The following CEP57L1 variants were observed in gnomAD, a reference collection of about 807,000 sequenced individuals.
The protein encoded by CEP57L1 is centrosomal protein CEP57L1.
Under a neutral mutation model 61.0 loss-of-function variants are expected in CEP57L1, and 37 were observed. That is an observed-to-expected ratio of 0.61 (90% CI 0.47 to 0.80). The LOEUF (loss-of-function observed/expected upper bound fraction) is 0.80, where lower values mean the gene tolerates loss of function less well. Ranked by LOEUF, CEP57L1 falls within the 30% of genes least tolerant of loss-of-function variation. The pLI, the probability that CEP57L1 is intolerant of heterozygous loss-of-function variation, is 0.00. For missense variants in CEP57L1, 422 were observed against 524.7 expected, an observed-to-expected ratio of 0.80 and a Z score of 1.91; for synonymous variants, 137 against 162.3, an observed-to-expected ratio of 0.84 and a Z score of 1.19.
Position 109,173,424 on chromosome 6 carries a change from C to CTT in CEP57L1, c.*10469_*10470dup, listed in dbSNP as rs113248477. Among the ~76,000 whole-genome samples the CTT allele has an allele frequency of 2.2e-5, 3 of 133,670 alleles. No individual in the cohort carries two copies. Among genetic ancestry groups the CTT allele is most frequent in the East Asian group, 2.1e-4 (1 of 4,654 alleles). The allele number at this position is 133,670 out of a possible 152,430, so 87.7% of individuals were successfully genotyped here. ...CCCCCTCAGCCCGCCCCCTACCTTT[C>CTT]TTTTTTTTTTTTTTTTCTTTTCAGG... is the stretch of plus-strand genomic sequence containing the variant. On this transcript the variant is annotated 3_prime_UTR_variant, in exon 11 of 11. Coordinates refer to ENST00000517392, the MANE Select transcript of CEP57L1 (RefSeq NM_001271852.3).
chr6:109,170,591 GTA>G lies in CEP57L1; in HGVS notation c.*7622_*7623del, dbSNP rs757261900. Among the ~76,000 whole-genome samples the G allele has an allele frequency of 6.6e-6, 1 of 152,126 alleles. No individual in the cohort carries two copies. Among genetic ancestry groups the G allele is most frequent in the Non-Finnish European group, 1.5e-5 (1 of 68,016 alleles). ...GGAAAGTATTTCACTCTTCATCACT[GTA>G]GATCCGTTTAACTTTACAAATGTGT... On this transcript the variant is annotated 3_prime_UTR_variant, in exon 11 of 11. Coordinates refer to ENST00000517392, the MANE Select transcript of CEP57L1 (RefSeq NM_001271852.3).
At chr6:109,162,042 A>G (rs1773761656) in intron 10 of CEP57L1, among the ~76,000 whole-genome samples, 2 of 152,020 alleles carry the variant, frequency 1.3e-5, no homozygotes, top group Non-Finnish European at 1.5e-5. Flanking sequence ...TGCCTCCACT[A>G]TTACCATATA....
At chr6:109,134,195 A>G (rs1384675397) in intron 1 of CEP57L1, among the ~76,000 whole-genome samples, 1 of 152,184 alleles carries the variant, frequency 6.6e-6, no homozygotes, top group East Asian at 1.9e-4. Context: ...CCAGCAACAC[A>G]TCAAAAAACT....
At chr6:109,124,448 G>A (rs912883489) in intron 1 of CEP57L1, among the ~76,000 whole-genome samples, 2 of 152,166 alleles carry the variant, frequency 1.3e-5, no homozygotes, top group Non-Finnish European at 1.5e-5. Context: ...GATTTAGAAT[G>A]TGAACTTTAG....
At chr6:109,121,316 A>G (rs757050224) in intron 1 of CEP57L1, among the ~76,000 whole-genome samples, 30 of 152,222 alleles carry the variant, frequency 2.0e-4, no homozygotes, top group Non-Finnish European at 3.2e-4. Flanking sequence ...AAAAGACCCC[A>G]GAGCAACTAT....
At chr6:109,129,378 A>C (rs1194007465) in intron 1 of CEP57L1, 2 of 1,218,746 alleles carry the variant, frequency 1.6e-6, no homozygotes, top group Admixed American at 2.3e-5. Context: ...TCAGTCTTCC[A>C]GCTTCCAGTG....
chr6:109,148,956 T>TTAGTAGA (rs1772281727), intron 3 of CEP57L1, among the ~76,000 whole-genome samples: 1 of 152,246 alleles, frequency 6.6e-6, no homozygotes, highest in Non-Finnish European at 1.5e-5. Context: ...GCCCACTTGT[T>TTAGTAGA]GATGGGGCTG....
At chr6:109,115,855 C>T (rs1161579623) in intron 1 of CEP57L1, among the ~76,000 whole-genome samples, 3 of 151,912 alleles carry the variant, frequency 2.0e-5, no homozygotes, top group East Asian at 1.9e-4. Flanking sequence ...CTAAATTTAG[C>T]GTGTAAAAGC....
At chr6:109,131,431 AAG>A (rs898456619) in intron 1 of CEP57L1, among the ~76,000 whole-genome samples, 1 of 152,136 alleles carries the variant, frequency 6.6e-6, no homozygotes, top group Non-Finnish European at 1.5e-5. Flanking sequence ...GTAATTGAAG[AAG>A]AACAAACTTT....
chr6:109,152,991 A>C (rs936393555), intron 4 of CEP57L1, among the ~76,000 whole-genome samples: 1 of 149,848 alleles, frequency 6.7e-6, no homozygotes, highest in African/African-American at 2.5e-5. Context: ...GGCGCCTGTA[A>C]TCCCAGCTAT....
chr6:109,159,564 C>T, intron 9 of CEP57L1, 102 bp downstream of exon 9: 1 of 1,060,742 alleles, frequency 9.4e-7, no homozygotes, highest in Non-Finnish European at 1.4e-6. Flanking sequence ...CTGCCTCGGC[C>T]TCCCAAAGTG....
intron 1 of CEP57L1, among the ~76,000 whole-genome samples, chr6:109,127,863 C>CAG (rs991755230): frequency 1.3e-5 from 2 of 151,660 alleles, no homozygotes; most frequent in Admixed American, 6.6e-5. Flanking sequence ...CTGCTGACCT[C>CAG]GTGATCCGCC....
chr6:109,135,358 C>T (rs1394215595), intron 1 of CEP57L1, among the ~76,000 whole-genome samples: 3 of 152,108 alleles, frequency 2.0e-5, no homozygotes, highest in African/African-American at 7.2e-5. Context: ...ACTGGCTAGC[C>T]ATATGTAGAA....
Position 109,174,076 on chromosome 6 carries a change from A to G in CEP57L1, c.*11106A>G, listed in dbSNP as rs1583705840. 3.4e-5 allele frequency among the ~76,000 whole-genome samples: 5 copies of G among 147,836 alleles called. No individual in the cohort carries two copies. The South Asian group carries it at 1.1e-3, about 32-fold the overall frequency. ...GATCATGCCATTGCACTCCAGCCTG[A>G]GCCATAGAGTGAGTCTTGGTCTCAA... On this transcript the variant is annotated 3_prime_UTR_variant, in exon 11 of 11. Coordinates refer to ENST00000517392, the MANE Select transcript of CEP57L1 (RefSeq NM_001271852.3).
At chr6:109,105,280 A>G (rs776563408) in intron 1 of CEP57L1, among the ~76,000 whole-genome samples, 4 of 152,090 alleles carry the variant, frequency 2.6e-5, no homozygotes, top group Non-Finnish European at 5.9e-5. Context: ...AACGTACTCT[A>G]TATTTTCTTC....
chr6:109,115,041 C>G (rs910976617), intron 1 of CEP57L1, among the ~76,000 whole-genome samples: 1 of 151,952 alleles, frequency 6.6e-6, no homozygotes, highest in Non-Finnish European at 1.5e-5. Flanking sequence ...GTTAAAGCAA[C>G]TAAATTAATC....
intron 3 of CEP57L1, among the ~76,000 whole-genome samples, chr6:109,149,911 C>G (rs931790543): frequency 3.9e-5 from 6 of 152,008 alleles, no homozygotes; most frequent in Non-Finnish European, 8.8e-5. Flanking sequence ...CATGATTTGG[C>G]TCTCTGTTTG....
intron 4 of CEP57L1, among the ~76,000 whole-genome samples, chr6:109,151,613 C>G (rs117754141): frequency 0.025 from 3,817 of 152,100 alleles, 55 homozygotes; most frequent in Middle Eastern, 0.058. Context: ...TATTTTTTAC[C>G]ATTTTCTGTG....
intron 1 of CEP57L1, among the ~76,000 whole-genome samples, chr6:109,109,180 A>T (rs1222657887): frequency 3.9e-5 from 6 of 152,322 alleles, no homozygotes; most frequent in Non-Finnish European, 2.9e-5. Flanking sequence ...ATGTATATAA[A>T]CATTATAGAC....
Sources: gnomAD v4.1 joint callset for allele counts (sites outside exome capture counted in the v4.1 genomes callset) on GRCh38, gnomAD v4.1.1 for gene constraint, MANE v1.5 for transcripts, NCBI Gene and HGNC (gene_info 2026-07-23, HGNC 2026-07-21) for gene names.